PRCP: variants seen among roughly 807,000 people sequenced by gnomAD.
PRCP encodes lysosomal Pro-X carboxypeptidase.
A neutral mutation model predicts 54.2 loss-of-function variants in PRCP; 46 were observed. That is an observed-to-expected ratio of 0.85 (90% CI 0.67 to 1.09). PRCP has a LOEUF of 1.09. Among genes scored for constraint, PRCP ranks in the 50% least tolerant of loss-of-function variants. The probability of loss-of-function intolerance (pLI) is 0.00; values close to 1 mark genes in which losing one functional copy is unlikely to be tolerated. For missense variants in PRCP, 613 were observed against 596.8 expected, an observed-to-expected ratio of 1.03 and a Z score of -0.28; for synonymous variants, 240 against 212.2, an observed-to-expected ratio of 1.13 and a Z score of -1.14.
intron 6 of PRCP, among the ~76,000 whole-genome samples, chr11:82,847,802 C>T (rs1858843624): frequency 6.6e-6 from 1 of 152,036 alleles, no homozygotes; most frequent in Non-Finnish European, 1.5e-5. Context: ...CTATGTTGCC[C>T]AGGTGGGTCT....
intron 1 of PRCP, among the ~76,000 whole-genome samples, chr11:82,874,085 G>A (rs1460181218): frequency 6.6e-6 from 1 of 152,158 alleles, no homozygotes; most frequent in Non-Finnish European, 1.5e-5. Context: ...GATAAAGGAA[G>A]GGAAAAGGAT....
Position 82,857,712 on chromosome 11 carries a change from G to A in PRCP, c.309+2265C>T, listed in dbSNP as rs79717050. Among the ~76,000 whole-genome samples, 1,417 of 152,250 alleles carry A rather than the reference G, an allele frequency of 9.3e-3. 23 individuals carry two copies. The highest frequency in any genetic ancestry group is 0.03 in the African/African-American group (1,264 of 41,536). ...AACCTCAAGTGTTTTTGTTTTGATC[G>A]ATAAATGAACAATTAGAAGAGTTAT... On this transcript the variant is annotated intron_variant, in intron 2 of 8. Transcript: ENST00000313010.
intron 8 of PRCP, 52 bp from the exon 9 acceptor site, chr11:82,825,174 C>A (rs1565214213): frequency 4.7e-6 from 7 of 1,489,152 alleles, no homozygotes; most frequent in Non-Finnish European, 6.4e-6. Flanking sequence ...TTCATGTTAA[C>A]ACTCAGATAA....
chr11:82,892,816 G>A (rs575566659), intron 1 of PRCP, among the ~76,000 whole-genome samples: 1 of 152,186 alleles, frequency 6.6e-6, no homozygotes, highest in Non-Finnish European at 1.5e-5. Context: ...AATTTTCAGT[G>A]TTTTCCATGT....
At chr11:82,869,773 G>T (rs1278361358) in intron 1 of PRCP, among the ~76,000 whole-genome samples, 1 of 152,250 alleles carries the variant, frequency 6.6e-6, no homozygotes, top group Non-Finnish European at 1.5e-5. Flanking sequence ...TCAAGTTTGT[G>T]CAGGTTCATT....
intron 1 of PRCP, among the ~76,000 whole-genome samples, chr11:82,865,124 C>A (rs1457815859): frequency 6.6e-6 from 1 of 152,116 alleles, no homozygotes; most frequent in Non-Finnish European, 1.5e-5. Flanking sequence ...AAGGCTGATG[C>A]TCAGAGAGGT....
chr11:82,838,442 T>G lies in PRCP; in HGVS notation c.1219A>C (p.Ile407Leu), dbSNP rs1308412198. The part of the protein sequence containing the change: ...QWGVRPRPSW[I>L]TTMYGGKNIS... ...TTTTTGCCTCCATACATAGTAGTGATCCAGGAGGGCCTTGGTCTCACACCC... is the reference window on the plus strand; with the variant it reads ...TTTTTGCCTCCATACATAGTAGTGAGCCAGGAGGGCCTTGGTCTCACACCC... Residue 407 changes from isoleucine (I) to leucine (L), a missense_variant, in exon 8 of 9, where the codon ATC becomes CTC. By Grantham distance (5) the Ile-to-Leu change is conservative. Coordinates refer to ENST00000313010, the MANE Select transcript of PRCP (RefSeq NM_005040.4). 1 of 1,614,044 alleles carries G rather than the reference T, an allele frequency of 6.2e-7. No homozygotes were observed. Among genetic ancestry groups the G allele is most frequent in the South Asian group, 1.1e-5 (1 of 91,058 alleles).
At chr11:82,891,387 C>T (rs895434121) in intron 1 of PRCP, among the ~76,000 whole-genome samples, 2 of 152,218 alleles carry the variant, frequency 1.3e-5, no homozygotes, top group Admixed American at 1.3e-4. Context: ...CCTGGTCTTT[C>T]TGTTTACCCC....
chr11:82,841,445 T>G (rs1381093695), intron 6 of PRCP, among the ~76,000 whole-genome samples: 1 of 152,162 alleles, frequency 6.6e-6, no homozygotes, highest in African/African-American at 2.4e-5. Context: ...ATGTGAACAG[T>G]TTTCCTGACT....
intron 1 of PRCP, among the ~76,000 whole-genome samples, chr11:82,878,316 T>A (rs529812593): frequency 1.8e-4 from 28 of 152,216 alleles, no homozygotes; most frequent in Admixed American, 1.8e-3. Flanking sequence ...CTTTGGGGGA[T>A]TGCTAGGAAG....
chr11:82,857,103 T>C (rs1591053349), intron 2 of PRCP, among the ~76,000 whole-genome samples: 1 of 150,688 alleles, frequency 6.6e-6, no homozygotes, highest in Admixed American at 6.6e-5. Context: ...GCTAAAGATA[T>C]CTAAAGAAGC....
chr11:82,888,934 G>A (rs1328140710), intron 1 of PRCP, among the ~76,000 whole-genome samples: 1 of 152,214 alleles, frequency 6.6e-6, no homozygotes, highest in African/African-American at 2.4e-5. Context: ...ATGTTTACAA[G>A]ACAGGATTCC....
chr11:82,880,138 G>A (rs1273045548), intron 1 of PRCP, among the ~76,000 whole-genome samples: 1 of 152,238 alleles, frequency 6.6e-6, no homozygotes. Context: ...CCCAGAGGTG[G>A]AGTCTACAGA....
chr11:82,836,736 T>C lies in PRCP; in HGVS notation c.1274+1651A>G, dbSNP rs954362640. The stretch of plus-strand genomic sequence containing the variant: ...CTAATTTTTATATATTTTGTAGAGA[T>C]GGGGTTTCACCATGTTTCCCAGAAT... On this transcript the variant is annotated intron_variant, in intron 8 of 8. Coordinates refer to ENST00000313010, the MANE Select transcript of PRCP (RefSeq NM_005040.4). The C allele has an allele frequency of 1.3e-5, 3 of 228,802 alleles. No homozygotes were observed. In the Admixed American group the frequency reaches 1.7e-4, roughly 13 times the overall value. The allele number at this position is 228,802 out of a possible 1,614,324, so 14.2% of individuals were successfully genotyped here. A position where few individuals can be genotyped will look rare whatever the true frequency, so the allele number is the denominator to read the frequency against.
At chr11:82,850,993 A>G (rs1858940499) in intron 3 of PRCP, among the ~76,000 whole-genome samples, 1 of 152,170 alleles carries the variant, frequency 6.6e-6, no homozygotes, top group East Asian at 1.9e-4. Context: ...TAGCCTGCCT[A>G]TTTTAAACAA....
chr11:82,848,931 T>C (rs13306595), intron 6 of PRCP, 118 bp downstream of exon 6: 14,314 of 1,052,596 alleles, frequency 0.014, 293 homozygotes, highest in East Asian at 0.085. Flanking sequence ...CAGCTCAAGT[T>C]TGACAAACTC....
intron 1 of PRCP, among the ~76,000 whole-genome samples, chr11:82,865,350 T>A (rs560360490): frequency 6.6e-6 from 1 of 152,304 alleles, no homozygotes; most frequent in African/African-American, 2.4e-5. Flanking sequence ...ATTTGCAAAA[T>A]GAAGGACAAA....
At chr11:82,833,110 C>A (rs886680764) in intron 8 of PRCP, among the ~76,000 whole-genome samples, 4 of 152,200 alleles carry the variant, frequency 2.6e-5, no homozygotes, top group African/African-American at 9.7e-5. Context: ...TCCTTATCAA[C>A]AACCGGCACA....
At chr11:82,884,191 T>C (rs558332919) in intron 1 of PRCP, among the ~76,000 whole-genome samples, 1 of 152,202 alleles carries the variant, frequency 6.6e-6, no homozygotes, top group Non-Finnish European at 1.5e-5. Flanking sequence ...TAGTTCCTGG[T>C]TTAAATTAGA....
Sources: gnomAD v4.1 joint callset for allele counts (sites outside exome capture counted in the v4.1 genomes callset) on GRCh38, gnomAD v4.1.1 for gene constraint, MANE v1.5 for transcripts, NCBI Gene and HGNC (gene_info 2026-07-23, HGNC 2026-07-21) for gene names.